Variants in TRPM3 observed in about 807,000 individuals in gnomAD.
The protein encoded by TRPM3 is long transient receptor potential channel 3.
In TRPM3, 77 loss-of-function variants were observed where a neutral mutation model predicts 181.2. That is an observed-to-expected ratio of 0.42 (90% confidence interval 0.35 to 0.51). TRPM3 has a LOEUF of 0.51. TRPM3 is among the 20% of genes least tolerant of loss of function. The pLI, the probability that TRPM3 is intolerant of heterozygous loss-of-function variation, is 0.01. For synonymous variants in TRPM3, 745 were observed against 796.4 expected (o/e 0.94, Z 1.09); for missense variants, 1,759 against 2,196.7 (o/e 0.80, Z 3.98).
intron 1 of TRPM3, among the ~76,000 whole-genome samples, chr9:71,348,552 A>ATT (rs1340275998): frequency 0.044 from 6,578 of 148,514 alleles, 209 homozygotes; most frequent in African/African-American, 0.082. Context: ...ATTTATTTAT[A>ATT]TATTTATTTA....
intron 1 of TRPM3, among the ~76,000 whole-genome samples, chr9:71,088,170 G>A (rs893432842): frequency 6.6e-6 from 1 of 152,062 alleles, no homozygotes; most frequent in Non-Finnish European, 1.5e-5. Context: ...TATGGAAGAC[G>A]AGACACTTGA....
chr9:70,556,549 C>A (rs1264649661), intron 22 of TRPM3, among the ~76,000 whole-genome samples: 1 of 152,094 alleles, frequency 6.6e-6, no homozygotes, highest in African/African-American at 2.4e-5. Context: ...TGGCAAAACC[C>A]TGTCTCTATT....
chr9:70,535,572 C>T lies in TRPM3; in HGVS notation c.*381G>A. On this transcript the variant is annotated 3_prime_UTR_variant, in exon 26 of 26. Coordinates refer to ENST00000677713, the MANE Select transcript of TRPM3 (RefSeq NM_001366145.2). ...TGCAATTTAGCCCTGCATCCTACAACTCTTGATAATGGTCAGAAATCAACA... is the reference window on the plus strand; with the variant it reads ...TGCAATTTAGCCCTGCATCCTACAATTCTTGATAATGGTCAGAAATCAACA... The T allele has an allele frequency of 2.0e-6, 3 of 1,523,190 alleles. No homozygotes were observed. Among genetic ancestry groups the T allele is most frequent in the African/African-American group, 1.4e-5 (1 of 72,548 alleles). The allele number at this position is 1,523,190 out of a possible 1,614,324, so 94.4% of individuals were successfully genotyped here.
intron 1 of TRPM3, among the ~76,000 whole-genome samples, chr9:71,006,092 G>A (rs1373237133): frequency 2.6e-5 from 4 of 152,100 alleles, no homozygotes; most frequent in Non-Finnish European, 5.9e-5. Flanking sequence ...TGTGACCAAA[G>A]TTAAGATGGT....
At chr9:71,200,988 G>T (rs2078749822) in intron 1 of TRPM3, among the ~76,000 whole-genome samples, 1 of 151,910 alleles carries the variant, frequency 6.6e-6, no homozygotes, top group Admixed American at 6.6e-5. Context: ...TTACAATTTG[G>T]CATGATTTTG....
intron 21 of TRPM3, among the ~76,000 whole-genome samples, chr9:70,592,885 A>G (rs1208082079): frequency 1.3e-5 from 2 of 152,036 alleles, no homozygotes; most frequent in Non-Finnish European, 2.9e-5. Flanking sequence ...GTGCACCACC[A>G]TGCCCCGCTA....
chr9:71,305,142 G>T (rs773313506), intron 1 of TRPM3, among the ~76,000 whole-genome samples: 2 of 152,164 alleles, frequency 1.3e-5, no homozygotes, highest in Non-Finnish European at 2.9e-5. Context: ...TGAGGGCAAT[G>T]CTCTTCTCAT....
At chr9:70,549,130 A>G (rs2045842981) in intron 25 of TRPM3, among the ~76,000 whole-genome samples, 3 of 152,252 alleles carry the variant, frequency 2.0e-5, no homozygotes, top group African/African-American at 7.2e-5. Flanking sequence ...CATATAAGGC[A>G]GGCACTAGGG....
At chr9:71,265,282 C>A (rs2083310961) in intron 1 of TRPM3, among the ~76,000 whole-genome samples, 1 of 152,068 alleles carries the variant, frequency 6.6e-6, no homozygotes, top group Non-Finnish European at 1.5e-5. Flanking sequence ...CCCATAGTAG[C>A]CAAATAGACT....
chr9:70,546,350 G>A (rs116723679), intron 25 of TRPM3, among the ~76,000 whole-genome samples: 2,015 of 152,292 alleles, frequency 0.013, 39 homozygotes, highest in African/African-American at 0.046. Flanking sequence ...TCTAGGGGTA[G>A]GAAGGGGGCT....
At chr9:70,698,411 A>G (rs1027843010) in intron 8 of TRPM3, among the ~76,000 whole-genome samples, 2 of 152,092 alleles carry the variant, frequency 1.3e-5, no homozygotes, top group African/African-American at 4.8e-5. Flanking sequence ...TTATCTGAAA[A>G]GTGGGAGTAA....
At chr9:71,405,467 T>C (rs1271959429) in intron 1 of TRPM3, among the ~76,000 whole-genome samples, 1 of 152,206 alleles carries the variant, frequency 6.6e-6, no homozygotes, top group Non-Finnish European at 1.5e-5. Context: ...TTTATTCTCA[T>C]ATAAACAAAA....
chr9:71,353,094 C>CA (rs1370795947), intron 1 of TRPM3, among the ~76,000 whole-genome samples: 1 of 152,082 alleles, frequency 6.6e-6, no homozygotes, highest in Non-Finnish European at 1.5e-5. Flanking sequence ...AGATTCTTAC[C>CA]ACCTGCTCTC....
intron 1 of TRPM3, among the ~76,000 whole-genome samples, chr9:71,444,097 T>C (rs2094171161): frequency 6.8e-6 from 1 of 147,836 alleles, no homozygotes; most frequent in Admixed American, 7.0e-5. Context: ...GAGAATCACT[T>C]GAACCAGGGA....
intron 4 of TRPM3, among the ~76,000 whole-genome samples, chr9:70,845,885 C>T (rs931731152): frequency 1.3e-5 from 2 of 152,172 alleles, no homozygotes; most frequent in Non-Finnish European, 2.9e-5. Flanking sequence ...TGAGATGTGT[C>T]TTCCATTGGC....
At chr9:71,113,527 A>G (rs1476875224) in intron 1 of TRPM3, among the ~76,000 whole-genome samples, 2 of 152,196 alleles carry the variant, frequency 1.3e-5, no homozygotes, top group Non-Finnish European at 2.9e-5. Flanking sequence ...GCCTCTAATC[A>G]TGAAAGTGTA....
intron 1 of TRPM3, among the ~76,000 whole-genome samples, chr9:71,136,512 T>C (rs2074775249): frequency 6.6e-6 from 1 of 152,218 alleles, no homozygotes; most frequent in Admixed American, 6.5e-5. Flanking sequence ...TTATCCATCC[T>C]ACTTCTTCGC....
At chr9:71,320,965 G>A (rs1461450635) in intron 1 of TRPM3, among the ~76,000 whole-genome samples, 1 of 151,746 alleles carries the variant, frequency 6.6e-6, no homozygotes, top group Non-Finnish European at 1.5e-5. Flanking sequence ...CTCCCACATC[G>A]AAGGCATCAT....
chr9:71,031,283 C>G (rs1218602827), intron 1 of TRPM3, among the ~76,000 whole-genome samples: 5 of 152,214 alleles, frequency 3.3e-5, no homozygotes, highest in African/African-American at 9.6e-5. Context: ...AACATGGTCT[C>G]TGCCCTTGCA....
Sources: gnomAD v4.1 joint callset for allele counts (sites outside exome capture counted in the v4.1 genomes callset) on GRCh38, gnomAD v4.1.1 for gene constraint, MANE v1.5 for transcripts, NCBI Gene and HGNC (gene_info 2026-07-23, HGNC 2026-07-21) for gene names.